The following ATP11C variants were observed in gnomAD, a reference collection of about 807,000 sequenced individuals.
The protein encoded by ATP11C is ATPase phospholipid transporting 11C (ATP11C blood group), also known as phospholipid-transporting ATPase IG.
Under a neutral mutation model 97.4 loss-of-function variants are expected in ATP11C, and 36 were observed. The ratio of observed to expected loss-of-function variants is 0.37; its 90% CI spans 0.28 to 0.49. ATP11C has a LOEUF of 0.49. ATP11C is among the 20% of genes least tolerant of loss of function. ATP11C has a pLI of 0.98. For synonymous variants in ATP11C, 275 were observed against 290.9 expected, an observed-to-expected ratio of 0.95 and a Z score of 0.56; for missense variants, 730 against 824.6, an observed-to-expected ratio of 0.89 and a Z score of 1.40.
intron 1 of ATP11C, among the ~76,000 whole-genome samples, chrX:139,886,447 G>A (rs1224305891): frequency 9.1e-6 from 1 of 109,755 alleles, no homozygotes; most frequent in Non-Finnish European, 1.9e-5. Flanking sequence ...AAATTCGCTG[G>A]GCGTGGTGGA....
At chrX:139,849,582 C>T (rs910869685) in intron 1 of ATP11C, among the ~76,000 whole-genome samples, 1 of 111,938 alleles carries the variant, frequency 8.9e-6, no homozygotes, top group African/African-American at 3.3e-5. Context: ...TCTCTACTTC[C>T]TCACCTCCTC....
intron 1 of ATP11C, chrX:139,910,151 G>C (rs1312462557): frequency 9.0e-6 from 1 of 111,688 alleles, no homozygotes; most frequent in Non-Finnish European, 1.9e-5. Flanking sequence ...TGATCACTTA[G>C]GAATGAATAT....
chrX:139,864,123 G>A (rs1306249155), intron 1 of ATP11C, among the ~76,000 whole-genome samples: 1 of 111,715 alleles, frequency 9.0e-6, no homozygotes, highest in Non-Finnish European at 1.9e-5. Flanking sequence ...AGTATTTTAG[G>A]ATAACTGAAA....
intron 1 of ATP11C, among the ~76,000 whole-genome samples, chrX:139,887,367 C>T (rs770529717): frequency 7.1e-5 from 8 of 111,975 alleles, no homozygotes; most frequent in African/African-American, 1.3e-4. Flanking sequence ...CAGTGGCTCA[C>T]GTTTGTAATC....
At chrX:139,866,214 C>T (rs1366853790) in intron 1 of ATP11C, among the ~76,000 whole-genome samples, 5 of 107,927 alleles carry the variant, frequency 4.6e-5, no homozygotes, top group African/African-American at 1.3e-4. Context: ...TGTGGTGATG[C>T]GCGCCTGTAA....
intron 1 of ATP11C, among the ~76,000 whole-genome samples, chrX:139,884,203 C>T (rs908835488): frequency 1.8e-5 from 2 of 111,513 alleles, no homozygotes; most frequent in South Asian, 7.5e-4. Flanking sequence ...TAGTCTGATG[C>T]CCTTTCTCAG....
At chrX:139,767,520 T>C (rs1235549060) in intron 20 of ATP11C, among the ~76,000 whole-genome samples, 1 of 111,780 alleles carries the variant, frequency 8.9e-6, no homozygotes, top group African/African-American at 3.3e-5. Flanking sequence ...TTTTAAGATC[T>C]GTGTTGGACA....
At chrX:139,744,506 G>A (rs1184086977) in intron 25 of ATP11C, among the ~76,000 whole-genome samples, 1 of 111,960 alleles carries the variant, frequency 8.9e-6, no homozygotes, top group African/African-American at 3.2e-5. Flanking sequence ...GAATCACATC[G>A]ACTATAGGAG....
intron 23 of ATP11C, among the ~76,000 whole-genome samples, chrX:139,756,358 C>T (rs2081935477): frequency 8.9e-6 from 1 of 112,082 alleles, no homozygotes; most frequent in Non-Finnish European, 1.9e-5. Flanking sequence ...GAAAAGGGAA[C>T]ACTTGCAGAA....
intron 20 of ATP11C, among the ~76,000 whole-genome samples, chrX:139,764,143 G>A (rs1310231353): frequency 9.0e-6 from 1 of 111,637 alleles, no homozygotes; most frequent in Non-Finnish European, 1.9e-5. Context: ...ACCTTCCCTA[G>A]GAGCACATCA....
At chrX:139,806,993 C>A (rs1603378857) in intron 5 of ATP11C, among the ~76,000 whole-genome samples, 1 of 110,953 alleles carries the variant, frequency 9.0e-6, no homozygotes, top group East Asian at 2.8e-4. Flanking sequence ...ATACCAATAA[C>A]CTGGTGCTGA....
At chrX:139,817,324 C>G (rs780788868) in intron 3 of ATP11C, among the ~76,000 whole-genome samples, 1 of 112,450 alleles carries the variant, frequency 8.9e-6, no homozygotes, top group East Asian at 2.8e-4. Context: ...AAAAATCAGA[C>G]AGTAAAACAA....
intron 1 of ATP11C, among the ~76,000 whole-genome samples, chrX:139,909,138 T>A: frequency 9.0e-6 from 1 of 111,172 alleles, no homozygotes; most frequent in East Asian, 2.8e-4. Flanking sequence ...TATTTTGTTT[T>A]GTTTTGTTTT....
Position 139,802,304 on chromosome X carries a change from A to G in ATP11C, c.591T>C (p.Cys197=). Residue 197 remains cysteine (C), a synonymous_variant, in exon 7 of 30, where the codon TGT becomes TGC. Transcript: ENST00000682941. The stretch of plus-strand genomic sequence containing the variant: ...GGAGGGTATCGATGGATTCTGCTGT[A>G]CACAGTGCAATGGTATCACGTACTG... The part of the protein sequence containing the change: ...HYAVRDTIAL[C]TAESIDTLRA... 8.3e-7 allele frequency: 1 copy of G among 1,207,128 alleles called. No homozygotes were observed. Among genetic ancestry groups the G allele is most frequent in the Non-Finnish European group, 1.1e-6 (1 of 891,160 alleles).
intron 1 of ATP11C, among the ~76,000 whole-genome samples, chrX:139,917,389 G>T (rs2085170810): frequency 9.0e-6 from 1 of 111,424 alleles, no homozygotes; most frequent in Admixed American, 9.6e-5. Context: ...TCATCACAAT[G>T]AAAAGGCAAC....
At chrX:139,873,035 T>C (rs1008360507) in intron 1 of ATP11C, among the ~76,000 whole-genome samples, 22 of 112,499 alleles carry the variant, frequency 2.0e-4, no homozygotes, top group African/African-American at 7.1e-4. Context: ...TTCAAGTCCT[T>C]TAAAAGATAC....
At chrX:139,824,254 G>C (rs1349150261) in intron 2 of ATP11C, among the ~76,000 whole-genome samples, 2 of 110,404 alleles carry the variant, frequency 1.8e-5, no homozygotes, top group East Asian at 5.6e-4. Flanking sequence ...TACAATCAAT[G>C]CTCCTTTTGC....
intron 1 of ATP11C, among the ~76,000 whole-genome samples, chrX:139,892,883 T>C (rs2252290): frequency 0.19 from 21,421 of 111,181 alleles, 3,541 homozygotes; most frequent in African/African-American, 0.54. Flanking sequence ...GCCAACAGGC[T>C]CACACAGTCC....
intron 1 of ATP11C, among the ~76,000 whole-genome samples, chrX:139,908,734 ATTT>A (rs969494664): frequency 1.3e-4 from 15 of 112,118 alleles, no homozygotes. Flanking sequence ...AACCTGGCAG[ATTT>A]TTTATTGCTT....
Sources: allele counts gnomAD v4.1 joint callset (sites outside exome capture counted in the v4.1 genomes callset), GRCh38; gene constraint gnomAD v4.1.1; transcripts MANE v1.5; gene names NCBI Gene and HGNC (gene_info 2026-07-23, HGNC 2026-07-21).